Variants in CACNG5 observed in about 807,000 individuals in gnomAD.
CACNG5 encodes calcium voltage-gated channel auxiliary subunit gamma 5, also known as voltage-dependent calcium channel gamma-5 subunit.
A neutral mutation model predicts 24.8 loss-of-function variants in CACNG5; 18 were observed. That is an observed-to-expected ratio of 0.73 (90% CI 0.50 to 1.08). The LOEUF (loss-of-function observed/expected upper bound fraction) is 1.08, where lower values mean the gene tolerates loss of function less well. CACNG5 is among the 50% of genes least tolerant of loss of function. CACNG5 has a pLI of 0.00. For missense variants in CACNG5, 349 were observed against 367.9 expected (o/e 0.95, Z 0.42); for synonymous variants, 157 against 149.1 (o/e 1.05, Z -0.39).
rs536374960 is a variant in CACNG5, at chr17:66,894,575, A to G, written c.*9335A>G. On this transcript the variant is annotated 3_prime_UTR_variant, in exon 6 of 6. Transcript: ENST00000533854. ...TGATGTGCAGCCATTATTGGTTCAC[A>G]TAAGGCCTGGCTCTTGATTTTTTAT... is the stretch of plus-strand genomic sequence containing the variant. Among the ~76,000 whole-genome samples the G allele has an allele frequency of 7.9e-5, 12 of 152,262 alleles. No individual in the cohort carries two copies. In the South Asian group the frequency reaches 2.3e-3, roughly 29 times the overall value.
chr17:66,856,350 C>T (rs1976775410), intron 1 of CACNG5, among the ~76,000 whole-genome samples: 1 of 152,146 alleles, frequency 6.6e-6, no homozygotes, highest in African/African-American at 2.4e-5. Context: ...TTTTGAGATA[C>T]TGTAGATTCA....
chr17:66,866,704 G>A lies in CACNG5; in HGVS notation c.-103-10526G>A, dbSNP rs191535134. On this transcript the variant is annotated intron_variant, in intron 1 of 5. Transcript: ENST00000533854. ...CTCATTGTTCAGCTCCCACTTATGA[G>A]TGAAGACGTGCAGTATTTGGTTTTC... Among the ~76,000 whole-genome samples the A allele has an allele frequency of 1.4e-4, 22 of 152,214 alleles. 1 individual carries two copies. In the East Asian group the frequency reaches 4.1e-3, roughly 28 times the overall value.
rs1047693682 is a variant in CACNG5 at position 66,886,831 on chromosome 17, A to T, written c.*1591A>T. 6.6e-6 allele frequency among the ~76,000 whole-genome samples: 1 copy of T among 152,116 alleles called. No individual in the cohort carries two copies. The highest frequency in any genetic ancestry group is 2.4e-5 in the African/African-American group (1 of 41,436). On this transcript the variant is annotated 3_prime_UTR_variant, in exon 6 of 6. Coordinates refer to ENST00000533854, the MANE Select transcript of CACNG5 (RefSeq NM_145811.3). ...GTTCTGGGTACCGGAGTCCAAGATC[A>T]CGGTGTTGGCAGGATTGGTTTCTTC...
chr17:66,880,429 G>A (rs1977140063), intron 3 of CACNG5, 128 bp from the exon 4 acceptor site: 1 of 1,103,026 alleles, frequency 9.1e-7, no homozygotes, highest in African/African-American at 1.6e-5. Flanking sequence ...GTAGAGTCTG[G>A]GGAACCCCTG....
Position 66,885,018 on chromosome 17 carries a change from G to C in CACNG5, c.606G>C (p.Lys202Asn), listed in dbSNP as rs758033182. Reference protein sequence around the residue: ...AGVMSVYLFMKRYTAEDMYRP... With the variant: ...AGVMSVYLFMNRYTAEDMYRP... ...TGATGTCTGTGTACCTGTTTATGAA[G>C]CGGTACACCGCGGAGGACATGTACA... Residue 202 changes from lysine (K) to asparagine (N), a missense_variant, in exon 6 of 6, where the codon AAG becomes AAC. Physicochemically the swap from Lys to Asn is moderately conservative, Grantham distance 94. Transcript: ENST00000533854. 1 of 1,614,148 alleles carries C rather than the reference G, an allele frequency of 6.2e-7. No individual in the cohort carries two copies. The highest frequency in any genetic ancestry group is 1.1e-5 in the South Asian group (1 of 91,076).
chr17:66,883,813 T>C (rs575344488), intron 4 of CACNG5, among the ~76,000 whole-genome samples: 4 of 152,332 alleles, frequency 2.6e-5, no homozygotes, highest in African/African-American at 9.6e-5. Context: ...AAAGCCACTT[T>C]CTAGCTCAGT....
intron 1 of CACNG5, among the ~76,000 whole-genome samples, chr17:66,868,821 G>C (rs1193313239): frequency 1.3e-5 from 2 of 152,150 alleles, no homozygotes; most frequent in Admixed American, 6.5e-5. Flanking sequence ...TCATTAAACA[G>C]AGCATTTTAT....
At chr17:66,882,937 T>TTCCTTCCA (rs993877604) in intron 4 of CACNG5, among the ~76,000 whole-genome samples, 2 of 150,520 alleles carry the variant, frequency 1.3e-5, no homozygotes, top group Non-Finnish European at 3.0e-5. Context: ...TTCTTTCTCC[T>TTCCTTCCA]TCCATCCATC....
At chr17:66,847,162 G>A (rs896234257) in intron 1 of CACNG5, among the ~76,000 whole-genome samples, 2 of 152,072 alleles carry the variant, frequency 1.3e-5, no homozygotes, top group African/African-American at 4.8e-5. Flanking sequence ...TTCTGTTCTT[G>A]GCTCCTGTCT....
In CACNG5 at chr17:66,894,272, C is replaced by A. The variant is rs529857456; in HGVS notation, c.*9032C>A. Among the ~76,000 whole-genome samples, 16 of 152,294 alleles carry A rather than the reference C, an allele frequency of 1.1e-4. No individual in the cohort carries two copies. In the South Asian group the frequency reaches 3.3e-3, roughly 32 times the overall value. ...GTCACCCCCTTGGGAGGATCCTGCA[C>A]ATCCTTCCTCAGTGGATCCTTAGAA... On this transcript the variant is annotated 3_prime_UTR_variant, in exon 6 of 6. Coordinates refer to ENST00000533854, the MANE Select transcript of CACNG5 (RefSeq NM_145811.3).
chr17:66,890,700 C>A lies in CACNG5; in HGVS notation c.*5460C>A, dbSNP rs1192799981. 6.6e-6 allele frequency among the ~76,000 whole-genome samples: 1 copy of A among 152,184 alleles called. No individual in the cohort carries two copies. The highest frequency in any genetic ancestry group is 2.4e-5 in the African/African-American group (1 of 41,458). ...GAGTTCTCATCAGGTGCTGCTGCAC[C>A]CTCTGTGTGTTACCAGCAGCCCTCG... is the stretch of plus-strand genomic sequence containing the variant. On this transcript the variant is annotated 3_prime_UTR_variant, in exon 6 of 6. Coordinates refer to ENST00000533854, the MANE Select transcript of CACNG5 (RefSeq NM_145811.3).
intron 1 of CACNG5, among the ~76,000 whole-genome samples, chr17:66,870,776 C>T (rs1039445337): frequency 4.6e-5 from 7 of 152,140 alleles, no homozygotes; most frequent in Non-Finnish European, 7.4e-5. Flanking sequence ...GTCAGGAGTT[C>T]AAGACCAGCC....
At chr17:66,839,111 G>A (rs11869617) in intron 1 of CACNG5, among the ~76,000 whole-genome samples, 7,721 of 151,874 alleles carry the variant, frequency 0.051, 270 homozygotes, top group African/African-American at 0.1. Context: ...ACAGGCATGT[G>A]TCACCACGCC....
At chr17:66,859,826 C>T (rs972891487) in intron 1 of CACNG5, among the ~76,000 whole-genome samples, 1 of 152,074 alleles carries the variant, frequency 6.6e-6, no homozygotes, top group Admixed American at 6.5e-5. Context: ...CCCTCTCCCT[C>T]CTCCTTCTCC....
intron 1 of CACNG5, among the ~76,000 whole-genome samples, chr17:66,860,343 C>A (rs1976836518): frequency 6.6e-6 from 1 of 152,158 alleles, no homozygotes; most frequent in Non-Finnish European, 1.5e-5. Context: ...CCAGACACAT[C>A]ATAGTCAAAA....
chr17:66,849,487 C>G (rs898246733), intron 1 of CACNG5, among the ~76,000 whole-genome samples: 1 of 152,212 alleles, frequency 6.6e-6, no homozygotes, highest in African/African-American at 2.4e-5. Context: ...GGGTGCCCAA[C>G]CCTGAACCTT....
intron 1 of CACNG5, among the ~76,000 whole-genome samples, chr17:66,853,640 G>A (rs968360729): frequency 6.6e-6 from 1 of 152,104 alleles, no homozygotes; most frequent in Non-Finnish European, 1.5e-5. Context: ...AGCAAGCTAT[G>A]TCCCAGTAAT....
At position 66,877,357 on chromosome 17, in the gene CACNG5, C is replaced by T; in HGVS notation, c.25C>T (p.Leu9=). The change falls in exon 2 of 6, where the codon CTG becomes TTG. Residue 9 remains leucine, a synonymous_variant. Coordinates refer to ENST00000533854, the MANE Select transcript of CACNG5 (RefSeq NM_145811.3). Reference sequence around the variant, plus strand: ...GATGAGTGCCTGCGGGAGGAAGGCCCTGACCCTGCTGAGCAGTGTCTTTGC... The same window carrying T: ...GATGAGTGCCTGCGGGAGGAAGGCCTTGACCCTGCTGAGCAGTGTCTTTGC... MSACGRKA[L]TLLSSVFAVC... The T allele has an allele frequency of 6.2e-7, 1 of 1,614,116 alleles. No individual in the cohort carries two copies. The highest frequency in any genetic ancestry group is 8.5e-7 in the Non-Finnish European group (1 of 1,179,980).
Position 66,848,333 on chromosome 17 carries a change from G to C in CACNG5, c.-104+13083G>C, listed in dbSNP as rs184449292. Among the ~76,000 whole-genome samples the C allele has an allele frequency of 2.0e-5, 3 of 152,292 alleles. 1 individual carries two copies. Among genetic ancestry groups the C allele is most frequent in the Admixed American group, 2.0e-4 (3 of 15,302 alleles). On this transcript the variant is annotated intron_variant, in intron 1 of 5. Coordinates refer to ENST00000533854, the MANE Select transcript of CACNG5 (RefSeq NM_145811.3). The stretch of plus-strand genomic sequence containing the variant: ...GGAAGCATTCCCAGGTGAGAAGATG[G>C]AGGGCTCCATAGGTGACTGAAGTTT...
Sources: gnomAD v4.1 joint callset for allele counts (sites outside exome capture counted in the v4.1 genomes callset) on GRCh38, gnomAD v4.1.1 for gene constraint, MANE v1.5 for transcripts, NCBI Gene and HGNC (gene_info 2026-07-23, HGNC 2026-07-21) for gene names.